The following AOPEP variants were observed in gnomAD, a reference collection of about 807,000 sequenced individuals.
The protein encoded by AOPEP is aminopeptidase O.
AOPEP carries 77 observed loss-of-function variants against 98.1 expected under a neutral mutation model. The ratio of observed to expected loss-of-function variants is 0.78; its 90% CI spans 0.65 to 0.95. AOPEP has a LOEUF of 0.95. Among genes scored for constraint, AOPEP ranks in the 40% least tolerant of loss-of-function variants. AOPEP has a pLI of 0.00. For missense variants in AOPEP, 1,024 were observed against 1,024.7 expected, an observed-to-expected ratio of 1.00 and a Z score of 0.01; for synonymous variants, 346 against 365.3, an observed-to-expected ratio of 0.95 and a Z score of 0.60.
chr9:95,095,995 T>G, the AOPEP span, among the ~76,000 whole-genome samples: 1 of 152,148 alleles, frequency 6.6e-6, no homozygotes, highest in Non-Finnish European at 1.5e-5. Flanking sequence ...GAAATCCTTA[T>G]TTATCTAAGT....
At chr9:95,114,827 G>A in the AOPEP span, 29 of 834,834 alleles carry the variant, frequency 3.5e-5, no homozygotes, top group Non-Finnish European at 5.4e-5. Context: ...TCTGGTTCAC[G>A]GAACCCAATA....
chr9:94,822,153 G>C (rs1041096646), intron 5 of AOPEP, among the ~76,000 whole-genome samples: 1 of 152,174 alleles, frequency 6.6e-6, no homozygotes, highest in Non-Finnish European at 1.5e-5. Flanking sequence ...GGGCTGAGAG[G>C]CCCAGAGAAC....
the AOPEP span, among the ~76,000 whole-genome samples, chr9:95,134,547 A>C: frequency 6.6e-6 from 1 of 152,240 alleles, no homozygotes. Context: ...ACGAAAGCTA[A>C]AGGGAAAAAG....
intron 5 of AOPEP, among the ~76,000 whole-genome samples, chr9:94,858,258 G>C (rs1381332412): frequency 3.3e-5 from 5 of 152,212 alleles, no homozygotes; most frequent in Non-Finnish European, 7.3e-5. Context: ...GCGCTGTACA[G>C]ATGGGGGAAG....
chr9:95,046,812 A>G (rs143379836), intron 13 of AOPEP, among the ~76,000 whole-genome samples: 214 of 152,302 alleles, frequency 1.4e-3, no homozygotes, highest in African/African-American at 4.8e-3. Flanking sequence ...CTTAGTTTTA[A>G]GTATGTAAGA....
chr9:94,769,546 TGATTGA>T (rs1417349146), intron 2 of AOPEP, among the ~76,000 whole-genome samples: 1 of 152,188 alleles, frequency 6.6e-6, no homozygotes, highest in Non-Finnish European at 1.5e-5. Context: ...AGTAAGAATG[TGATTGA>T]GTCTCCTATC....
intron 5 of AOPEP, among the ~76,000 whole-genome samples, chr9:94,802,743 A>AT (rs1208340442): frequency 2.6e-5 from 4 of 152,146 alleles, no homozygotes; most frequent in South Asian, 2.1e-4. Flanking sequence ...GTCAAATACC[A>AT]TTTTTTTCCC....
intron 2 of AOPEP, among the ~76,000 whole-genome samples, chr9:94,771,235 A>G (rs1840798426): frequency 6.6e-6 from 1 of 152,192 alleles, no homozygotes; most frequent in African/African-American, 2.4e-5. Flanking sequence ...GGGAAGACCC[A>G]TAACACAGAG....
At position 94,955,295 on chromosome 9, in the gene AOPEP, T is replaced by C. The variant is rs769386496; in HGVS notation, c.1764+16T>C. 3.4e-5 allele frequency: 52 copies of C among 1,543,044 alleles called. No homozygotes were observed. Among genetic ancestry groups the C allele is most frequent in the Non-Finnish European group, 4.4e-5 (49 of 1,122,096 alleles). ...TTATTTAAAGGTAAGCACATGTCAG[T>C]TGCAGAAGCCAGTGATTGTGGTGCA... On this transcript the variant is annotated intron_variant, in intron 8 of 16. Coordinates refer to ENST00000375315, the MANE Select transcript of AOPEP (RefSeq NM_001193329.3).
At chr9:95,005,295 C>T in intron 12 of AOPEP, 75 bp downstream of exon 12, 1 of 840,948 alleles carries the variant, frequency 1.2e-6, no homozygotes, top group South Asian at 5.6e-5. Flanking sequence ...GGCCCTGGCT[C>T]TGCGCTGCGG....
chr9:94,728,768 G>A (rs1266690136), intron 1 of AOPEP, among the ~76,000 whole-genome samples: 1 of 152,192 alleles, frequency 6.6e-6, no homozygotes, highest in Non-Finnish European at 1.5e-5. Flanking sequence ...GGCTATGCGG[G>A]GCACGAGGGA....
In AOPEP at chr9:95,026,815, A is replaced by G. The variant is rs549018834; in HGVS notation, c.2115+21199A>G. The stretch of plus-strand genomic sequence containing the variant: ...ATACCACATTACCTTCCCACCAGTG[A>G]TGAACAAGGGTCCCAGTTTCTCCAC... On this transcript the variant is annotated intron_variant, in intron 13 of 16. Coordinates refer to ENST00000375315, the MANE Select transcript of AOPEP (RefSeq NM_001193329.3). Among the ~76,000 whole-genome samples, 25 of 152,364 alleles carry G rather than the reference A, an allele frequency of 1.6e-4. No individual in the cohort carries two copies. In the South Asian group the frequency reaches 4.6e-3, roughly 28 times the overall value.
At chr9:94,818,855 A>C (rs979780993) in intron 5 of AOPEP, among the ~76,000 whole-genome samples, 12 of 152,116 alleles carry the variant, frequency 7.9e-5, no homozygotes, top group Non-Finnish European at 1.5e-5. Flanking sequence ...TTAGCCGGGC[A>C]TGGTGGCGGG....
Position 95,035,709 on chromosome 9 carries a change from C to T in AOPEP, c.2116-24985C>T, listed in dbSNP as rs187065063. Among the ~76,000 whole-genome samples the T allele has an allele frequency of 1.3e-4, 20 of 151,592 alleles. No homozygotes were observed. In the East Asian group the frequency reaches 3.1e-3, roughly 24 times the overall value. ...AATTTTGTATTTTTTTTAGTAGAGA[C>T]GAGGTTTCTCCATGTTGGTCAGGCT... is the stretch of plus-strand genomic sequence containing the variant. On this transcript the variant is annotated intron_variant, in intron 13 of 16. Coordinates refer to ENST00000375315, the MANE Select transcript of AOPEP (RefSeq NM_001193329.3).
intron 5 of AOPEP, among the ~76,000 whole-genome samples, chr9:94,891,573 C>T (rs369341896): frequency 6.6e-6 from 1 of 152,044 alleles, no homozygotes; most frequent in African/African-American, 2.4e-5. Context: ...ACATATGTAA[C>T]TTATGGCAGC....
At chr9:94,807,786 A>G (rs765619703) in intron 5 of AOPEP, among the ~76,000 whole-genome samples, 2 of 152,236 alleles carry the variant, frequency 1.3e-5, no homozygotes, top group Non-Finnish European at 2.9e-5. Flanking sequence ...TGATGTATGC[A>G]TGTGGTCATG....
intron 1 of AOPEP, among the ~76,000 whole-genome samples, chr9:94,732,640 G>A (rs1830817341): frequency 2.6e-5 from 4 of 152,154 alleles, no homozygotes; most frequent in Middle Eastern, 3.2e-3. Flanking sequence ...CCTCAAGAAA[G>A]AGTGATGACT....
At chr9:94,903,011 C>T (rs1457138540) in intron 5 of AOPEP, among the ~76,000 whole-genome samples, 1 of 148,068 alleles carries the variant, frequency 6.8e-6, no homozygotes, top group Non-Finnish European at 1.5e-5. Flanking sequence ...GACAGAGTCT[C>T]ATTCTGTCTC....
At chr9:94,900,144 G>GGCC (rs1251962226) in intron 5 of AOPEP, among the ~76,000 whole-genome samples, 4 of 152,176 alleles carry the variant, frequency 2.6e-5, no homozygotes, top group Admixed American at 6.5e-5. Context: ...ACTGACTGCT[G>GGCC]GCCGCCGCCA....
Sources: allele counts gnomAD v4.1 joint callset (sites outside exome capture counted in the v4.1 genomes callset), GRCh38; gene constraint gnomAD v4.1.1; transcripts MANE v1.5; gene names NCBI Gene and HGNC (gene_info 2026-07-23, HGNC 2026-07-21).